ANAPC10: variants seen among roughly 807,000 people sequenced by gnomAD.
ANAPC10 encodes anaphase-promoting complex subunit 10.
A neutral mutation model predicts 22.0 loss-of-function variants in ANAPC10; 12 were observed. The ratio of observed to expected loss-of-function variants is 0.55; its 90% CI spans 0.35 to 0.88. ANAPC10 has a LOEUF of 0.88. ANAPC10 is among the 40% of genes least tolerant of loss of function. The pLI, the probability that ANAPC10 is intolerant of heterozygous loss-of-function variation, is 0.01. For missense variants in ANAPC10, 188 were observed against 220.9 expected, an observed-to-expected ratio of 0.85 and a Z score of 0.94; for synonymous variants, 65 against 69.5, an observed-to-expected ratio of 0.94 and a Z score of 0.32.
intron 3 of ANAPC10, among the ~76,000 whole-genome samples, chr4:145,066,550 G>T (rs945763587): frequency 6.6e-6 from 1 of 151,824 alleles, no homozygotes; most frequent in Non-Finnish European, 1.5e-5. Flanking sequence ...GAATAATTAC[G>T]TTTCTAAATT....
chr4:145,048,905 T>C (rs1251519579), intron 4 of ANAPC10, among the ~76,000 whole-genome samples: 2 of 152,314 alleles, frequency 1.3e-5, no homozygotes, highest in East Asian at 3.9e-4. Flanking sequence ...GATAAAGTTT[T>C]AAAGTTTTAG....
chr4:145,061,740 CGTCAA>C (rs768361645), intron 4 of ANAPC10, among the ~76,000 whole-genome samples: 2 of 152,070 alleles, frequency 1.3e-5, no homozygotes, highest in African/African-American at 2.4e-5. Flanking sequence ...CAATTTAATA[CGTCAA>C]GTCATCAGAG....
intron 2 of ANAPC10, among the ~76,000 whole-genome samples, chr4:145,085,090 AC>A (rs1241710563): frequency 1.3e-5 from 2 of 152,130 alleles, no homozygotes; most frequent in Non-Finnish European, 2.9e-5. Flanking sequence ...AGCCTGTGCA[AC>A]ATAGTGAGAC....
chr4:145,075,595 T>G, intron 3 of ANAPC10, among the ~76,000 whole-genome samples: 1 of 152,038 alleles, frequency 6.6e-6, no homozygotes, highest in East Asian at 1.9e-4. Context: ...GGGAGTAAGC[T>G]AGGAACCGTG....
chr4:145,016,087 C>G (rs1301386781), intron 4 of ANAPC10, among the ~76,000 whole-genome samples: 2 of 152,122 alleles, frequency 1.3e-5, no homozygotes, highest in Non-Finnish European at 2.9e-5. Flanking sequence ...TCTCACCACT[C>G]CTATTCAACA....
Position 144,998,117 on chromosome 4 carries a change from C to CA in ANAPC10, c.328-2515dup, listed in dbSNP as rs527616391. On this transcript the variant is annotated intron_variant, in intron 4 of 4. Transcript: ENST00000507656. ...AGATCTATAAAGAGACTTAGACTCC[C>CA]ACACAATAATAATGGGAGATTTTAA... Among the ~76,000 whole-genome samples the CA allele has an allele frequency of 3.4e-4, 52 of 152,256 alleles. 1 individual carries two copies. Among genetic ancestry groups the CA allele is most frequent in the Admixed American group, 1.9e-3 (29 of 15,276 alleles).
chr4:145,055,787 CTA>C (rs1175274065), intron 4 of ANAPC10, among the ~76,000 whole-genome samples: 2 of 152,056 alleles, frequency 1.3e-5, no homozygotes, highest in African/African-American at 2.4e-5. Context: ...TATTTAATGA[CTA>C]TGATTTTTGG....
At chr4:145,082,741 T>C (rs1427888578) in intron 2 of ANAPC10, among the ~76,000 whole-genome samples, 1 of 152,232 alleles carries the variant, frequency 6.6e-6, no homozygotes, top group Admixed American at 6.5e-5. Context: ...CCTGTGTTTT[T>C]TCCTGATTAA....
chr4:145,030,839 G>A (rs1011497653), intron 4 of ANAPC10, among the ~76,000 whole-genome samples: 8 of 152,170 alleles, frequency 5.3e-5, no homozygotes, highest in African/African-American at 1.9e-4. Context: ...CCACCATCAA[G>A]GACTTGAAGG....
intron 4 of ANAPC10, among the ~76,000 whole-genome samples, chr4:145,062,326 G>T (rs1743012138): frequency 6.6e-6 from 1 of 152,114 alleles, no homozygotes; most frequent in African/African-American, 2.4e-5. Context: ...AAAAGTAAGG[G>T]CTGGGCATGG....
At chr4:145,091,597 C>A (rs1390889891) in intron 2 of ANAPC10, among the ~76,000 whole-genome samples, 2 of 152,136 alleles carry the variant, frequency 1.3e-5, no homozygotes, top group African/African-American at 2.4e-5. Context: ...CAATCTATCA[C>A]TGATGGGCGT....
At chr4:145,083,409 A>G (rs1746383480) in intron 2 of ANAPC10, among the ~76,000 whole-genome samples, 1 of 152,210 alleles carries the variant, frequency 6.6e-6, no homozygotes. Context: ...CTAGCTGTCT[A>G]CAATCTTTAA....
chr4:145,001,183 T>A (rs1045586432), intron 4 of ANAPC10, among the ~76,000 whole-genome samples: 34 of 120,600 alleles, frequency 2.8e-4, no homozygotes, highest in African/African-American at 1.1e-3. Context: ...TAAAGTATAA[T>A]AAATGAATGA....
At chr4:145,081,345 T>C (rs1031688485) in intron 3 of ANAPC10, among the ~76,000 whole-genome samples, 3 of 152,102 alleles carry the variant, frequency 2.0e-5, no homozygotes, top group Non-Finnish European at 4.4e-5. Context: ...ATTAAGGTAT[T>C]GTATTGGGCC....
intron 4 of ANAPC10, among the ~76,000 whole-genome samples, chr4:145,054,886 C>T (rs1347190727): frequency 6.6e-6 from 1 of 152,066 alleles, no homozygotes; most frequent in Non-Finnish European, 1.5e-5. Flanking sequence ...CTGTGTCTTC[C>T]CGTATCTTAT....
intron 1 of ANAPC10, chr4:145,097,532 C>T (rs1014894548): frequency 7.8e-7 from 1 of 1,287,206 alleles, no homozygotes; most frequent in Non-Finnish European, 1.0e-6. Context: ...CGAAGTTGTT[C>T]TTTAATCGGC....
At chr4:145,036,013 G>T (rs568653820) in intron 4 of ANAPC10, among the ~76,000 whole-genome samples, 1 of 152,156 alleles carries the variant, frequency 6.6e-6, no homozygotes, top group South Asian at 2.1e-4. Flanking sequence ...ATCTGTCAGA[G>T]AATTTAGACA....
At chr4:145,037,682 C>A (rs564437897) in intron 4 of ANAPC10, among the ~76,000 whole-genome samples, 2 of 152,236 alleles carry the variant, frequency 1.3e-5, no homozygotes, top group Non-Finnish European at 2.9e-5. Context: ...CACAATGGCT[C>A]ACACCTATAA....
At chr4:145,057,010 CTTGAAAAAAG>C (rs1742161442) in intron 4 of ANAPC10, among the ~76,000 whole-genome samples, 1 of 152,090 alleles carries the variant, frequency 6.6e-6, no homozygotes, top group African/African-American at 2.4e-5. Context: ...CAAAAGATCA[CTTGAAAAAAG>C]TGACCTTACA....
Sources: allele counts gnomAD v4.1 joint callset (sites outside exome capture counted in the v4.1 genomes callset), GRCh38; gene constraint gnomAD v4.1.1; transcripts MANE v1.5; gene names NCBI Gene and HGNC (gene_info 2026-07-23, HGNC 2026-07-21).